The following DEPTOR variants were observed in gnomAD, a reference collection of about 807,000 sequenced individuals.
DEPTOR encodes DEP domain-containing mTOR-interacting protein.
In DEPTOR, 41 loss-of-function variants were observed where a neutral mutation model predicts 41.6. The ratio of observed to expected loss-of-function variants is 0.98; its 90% CI spans 0.77 to 1.28. The LOEUF is 1.28. DEPTOR is among the 50% of genes most tolerant of loss of function. The pLI is 0.00. For missense variants in DEPTOR, 514 were observed against 527.9 expected (o/e 0.97, Z 0.26); for synonymous variants, 195 against 192.3 (o/e 1.01, Z -0.12).
At chr8:120,039,913 C>T (rs1323103912) in intron 8 of DEPTOR, among the ~76,000 whole-genome samples, 5 of 152,110 alleles carry the variant, frequency 3.3e-5, no homozygotes, top group African/African-American at 9.7e-5. Context: ...GGCACAAACT[C>T]GCCTCACTGC....
chr8:119,965,456 C>T (rs774508986), intron 4 of DEPTOR, 46 bp downstream of exon 4: 1 of 1,590,322 alleles, frequency 6.3e-7, no homozygotes, highest in East Asian at 2.2e-5. Flanking sequence ...ACAGCCAGCC[C>T]CAAATCTTGT....
chr8:119,930,365 T>A (rs1393580495), intron 3 of DEPTOR, among the ~76,000 whole-genome samples: 1 of 152,064 alleles, frequency 6.6e-6, no homozygotes, highest in Non-Finnish European at 1.5e-5. Flanking sequence ...GCCTCCTGAG[T>A]AGCTGGGACT....
chr8:119,974,228 G>T (rs2129997352), intron 4 of DEPTOR, among the ~76,000 whole-genome samples: 1 of 87,522 alleles, frequency 1.1e-5, no homozygotes, highest in African/African-American at 4.5e-5. Context: ...GTGAGATCTT[G>T]TCTCTTTAAA....
At chr8:119,892,750 G>A (rs1236817145) in intron 1 of DEPTOR, among the ~76,000 whole-genome samples, 10 of 151,940 alleles carry the variant, frequency 6.6e-5, no homozygotes, top group Admixed American at 6.6e-4. Context: ...TTTAAGCCAA[G>A]AAGAGCAGAG....
At chr8:119,941,903 A>G (rs1828208917) in intron 3 of DEPTOR, among the ~76,000 whole-genome samples, 1 of 152,198 alleles carries the variant, frequency 6.6e-6, no homozygotes, top group South Asian at 2.1e-4. Flanking sequence ...AACAGTAATG[A>G]ACCCACTAAA....
At chr8:120,017,488 G>A (rs1341294205) in intron 8 of DEPTOR, among the ~76,000 whole-genome samples, 2 of 152,180 alleles carry the variant, frequency 1.3e-5, no homozygotes, top group Admixed American at 6.5e-5. Flanking sequence ...GTGACCTTTC[G>A]TGTCTTCCGC....
rs536213510 is a variant in DEPTOR, at chr8:119,929,828, T to C, written c.315T>C (p.His105=). The change falls in exon 3 of 9, where the codon CAT becomes CAC. Residue 105 remains histidine, a synonymous_variant. Coordinates refer to ENST00000286234, the MANE Select transcript of DEPTOR (RefSeq NM_022783.4). Reference sequence around the variant, plus strand: ...ATTGTGTTTCAGTGTGTGATGAGCATAAGGAATTCAAGGATGTCAAACTCT... The same window carrying C: ...ATTGTGTTTCAGTGTGTGATGAGCACAAGGAATTCAAGGATGTCAAACTCT... The part of the protein sequence containing the change: ...RGIIHHVCDE[H]KEFKDVKLFY... The C allele has an allele frequency of 2.2e-5, 35 of 1,613,096 alleles. No homozygotes were observed. Among genetic ancestry groups the C allele is most frequent in the South Asian group, 1.1e-4 (10 of 90,934 alleles).
At chr8:119,956,984 G>C (rs1289738713) in intron 3 of DEPTOR, among the ~76,000 whole-genome samples, 1 of 152,172 alleles carries the variant, frequency 6.6e-6, no homozygotes, top group East Asian at 1.9e-4. Flanking sequence ...TGATCTACCT[G>C]CCTTGGCCTC....
chr8:120,006,854 G>A lies in DEPTOR; in HGVS notation c.975G>A (p.Pro325=), dbSNP rs375515870. The A allele has an allele frequency of 2.4e-5, 38 of 1,614,028 alleles. No homozygotes were observed. The Middle Eastern group carries it at 9.9e-4, about 42-fold the overall frequency. Residue 325 remains proline, a synonymous_variant, in exon 7 of 9, where the codon CCG becomes CCA. Coordinates refer to ENST00000286234, the MANE Select transcript of DEPTOR (RefSeq NM_022783.4). The part of the protein sequence containing the change: ...TSEELLTPGA[P]YARKTFTIVG... ...AGGAACTCCTTACTCCCGGGGCTCCGTATGCAAGGAAGACATTCACGGTAG... is the reference window on the plus strand; with the variant it reads ...AGGAACTCCTTACTCCCGGGGCTCCATATGCAAGGAAGACATTCACGGTAG...
rs1313827026 is a variant in DEPTOR at position 119,929,882 on chromosome 8, C to A, written c.369C>A (p.Thr123=). Reference sequence around the variant, plus strand: ...ACCGCTTTAGAAAGGATGACGGCACCTTCCCATTGGATAATGAAGTGAAGG... The same window carrying A: ...ACCGCTTTAGAAAGGATGACGGCACATTCCCATTGGATAATGAAGTGAAGG... The part of the protein sequence containing the change: ...LFYRFRKDDG[T]FPLDNEVKAF... The change falls in exon 3 of 9, where the codon ACC becomes ACA. Residue 123 remains threonine (T), a synonymous_variant. Coordinates refer to ENST00000286234, the MANE Select transcript of DEPTOR (RefSeq NM_022783.4). 6.2e-7 allele frequency: 1 copy of A among 1,613,710 alleles called. No homozygotes were observed. Among genetic ancestry groups the A allele is most frequent in the Non-Finnish European group, 8.5e-7 (1 of 1,179,860 alleles).
intron 1 of DEPTOR, among the ~76,000 whole-genome samples, chr8:119,881,562 T>C (rs1827297138): frequency 6.6e-6 from 1 of 150,906 alleles, no homozygotes; most frequent in South Asian, 2.1e-4. Flanking sequence ...AAATGGGCCT[T>C]TGAACCAAAG....
chr8:119,902,267 G>A (rs986226232), intron 1 of DEPTOR, among the ~76,000 whole-genome samples: 1 of 152,186 alleles, frequency 6.6e-6, no homozygotes, highest in Non-Finnish European at 1.5e-5. Context: ...AATAAATGGA[G>A]CTCAGAGAGA....
intron 1 of DEPTOR, among the ~76,000 whole-genome samples, chr8:119,885,683 G>A (rs1358399849): frequency 1.3e-5 from 2 of 152,160 alleles, no homozygotes; most frequent in Non-Finnish European, 2.9e-5. Flanking sequence ...GAGTAAGTTA[G>A]AGCTTTTTCC....
chr8:119,963,981 T>A (rs1828523701), intron 3 of DEPTOR, among the ~76,000 whole-genome samples: 2 of 152,102 alleles, frequency 1.3e-5, no homozygotes, highest in South Asian at 4.1e-4. Context: ...GACACCTGCT[T>A]CTTGGTTTGC....
chr8:119,969,155 T>G (rs1312922424), intron 4 of DEPTOR, among the ~76,000 whole-genome samples: 3 of 152,008 alleles, frequency 2.0e-5, no homozygotes, highest in South Asian at 2.1e-4. Flanking sequence ...TATACTATGA[T>G]GTACTGACCC....
At chr8:120,009,158 C>CT in intron 8 of DEPTOR, 25 bp downstream of exon 8, 1 of 1,596,762 alleles carries the variant, frequency 6.3e-7, no homozygotes, top group Non-Finnish European at 8.6e-7. Context: ...TTCTCACCCT[C>CT]TTTTATATCT....
At chr8:119,945,298 A>G (rs1828257246) in intron 3 of DEPTOR, among the ~76,000 whole-genome samples, 2 of 152,150 alleles carry the variant, frequency 1.3e-5, no homozygotes, top group Admixed American at 6.6e-5. Context: ...AGGTCACTCT[A>G]TTTGTGTTTA....
At chr8:120,028,169 T>C (rs1386166531) in intron 8 of DEPTOR, among the ~76,000 whole-genome samples, 1 of 152,118 alleles carries the variant, frequency 6.6e-6, no homozygotes, top group Non-Finnish European at 1.5e-5. Flanking sequence ...TTCTTTTTTT[T>C]CCTGGAGATG....
At chr8:120,031,502 T>A (rs1812891866) in intron 8 of DEPTOR, among the ~76,000 whole-genome samples, 1 of 151,956 alleles carries the variant, frequency 6.6e-6, no homozygotes, top group Non-Finnish European at 1.5e-5. Flanking sequence ...ATATTTGCAT[T>A]TACTTATGTG....
Sources: gnomAD v4.1 joint callset for allele counts (sites outside exome capture counted in the v4.1 genomes callset) on GRCh38, gnomAD v4.1.1 for gene constraint, MANE v1.5 for transcripts, NCBI Gene and HGNC (gene_info 2026-07-23, HGNC 2026-07-21) for gene names.